TRPM7: variants seen among roughly 807,000 people sequenced by gnomAD.
The protein encoded by TRPM7 is transient receptor potential cation channel subfamily M member 7, also known as LTRPC ion channel family member 7.
Under a neutral mutation model 229.7 loss-of-function variants are expected in TRPM7, and 134 were observed. That is an observed-to-expected ratio of 0.58 (90% CI 0.51 to 0.67). The LOEUF (loss-of-function observed/expected upper bound fraction) is 0.67, where lower values mean the gene tolerates loss of function less well. Among genes scored for constraint, TRPM7 ranks in the 30% least tolerant of loss-of-function variants. TRPM7 has a pLI of 0.00. For synonymous variants in TRPM7, 699 were observed against 715.2 expected, an observed-to-expected ratio of 0.98 and a Z score of 0.36; for missense variants, 1,901 against 2,210.0, an observed-to-expected ratio of 0.86 and a Z score of 2.80.
At chr15:50,634,593 T>A in intron 7 of TRPM7, 37 bp from the exon 8 acceptor site, 1 of 1,329,820 alleles carries the variant, frequency 7.5e-7, no homozygotes, top group Non-Finnish European at 9.7e-7. Context: ...AATTATTTCA[T>A]CCCAAGCAAG....
intron 21 of TRPM7, among the ~76,000 whole-genome samples, chr15:50,601,711 G>T (rs1043170229): frequency 6.6e-6 from 1 of 152,002 alleles, no homozygotes; most frequent in African/African-American, 2.4e-5. Flanking sequence ...GAATGAGTGT[G>T]AGAAGTTTAG....
intron 13 of TRPM7, among the ~76,000 whole-genome samples, chr15:50,618,570 A>AATAG (rs1470709613): frequency 5.2e-5 from 2 of 38,596 alleles, no homozygotes; most frequent in Admixed American, 6.1e-4. Flanking sequence ...ATTCCGTCTC[A>AATAG]ATAAATAAAT....
rs768140592 is a variant in TRPM7, at chr15:50,614,158, G to T, written c.1600C>A (p.Arg534=). ...CCACCAAGACTATTATATATTAATC[G>T]AAAACGTTTCCTAGTATAGGTGCAT... is the stretch of plus-strand genomic sequence containing the variant. ...YRCTYTRKRF[R]LIYNSLGGNN... Residue 534 remains arginine (R), a synonymous_variant, in exon 14 of 39, where the codon CGA becomes AGA. Coordinates refer to ENST00000646667, the MANE Select transcript of TRPM7 (RefSeq NM_017672.6). 1 of 1,610,730 alleles carries T rather than the reference G, an allele frequency of 6.2e-7. No individual in the cohort carries two copies. Among genetic ancestry groups the T allele is most frequent in the East Asian group, 2.2e-5 (1 of 44,814 alleles).
chr15:50,685,360 G>A (rs933073433), intron 1 of TRPM7, among the ~76,000 whole-genome samples: 6 of 152,348 alleles, frequency 3.9e-5, no homozygotes, highest in African/African-American at 1.4e-4. Flanking sequence ...GGGAGCCTGA[G>A]GCAGGAGAAT....
At chr15:50,581,054 ATTTAT>A in intron 29 of TRPM7, 146 bp from the exon 30 acceptor site, 1 of 641,840 alleles carries the variant, frequency 1.6e-6, no homozygotes, top group Non-Finnish European at 2.5e-6. Flanking sequence ...AAAACAATAA[ATTTAT>A]TTATTATAAC....
chr15:50,676,825 GAA>G (rs1197130604), intron 1 of TRPM7, among the ~76,000 whole-genome samples: 2 of 152,096 alleles, frequency 1.3e-5, no homozygotes, highest in Non-Finnish European at 2.9e-5. Flanking sequence ...AAAGTGATGG[GAA>G]AGTTTCCGCA....
intron 31 of TRPM7, among the ~76,000 whole-genome samples, chr15:50,577,034 C>A (rs1198583680): frequency 6.6e-6 from 1 of 151,936 alleles, no homozygotes; most frequent in African/African-American, 2.4e-5. Flanking sequence ...AATGCTTGAG[C>A]CTAGGAGGTT....
chr15:50,596,714 T>G (rs2059641381), intron 22 of TRPM7, among the ~76,000 whole-genome samples: 1 of 152,224 alleles, frequency 6.6e-6, no homozygotes, highest in Non-Finnish European at 1.5e-5. Flanking sequence ...AATTCCTGGA[T>G]CAACCATATG....
rs1343259208 is a variant in TRPM7, at chr15:50,612,504, A to G, written c.2051+45T>C. The G allele has an allele frequency of 3.8e-6, 6 of 1,568,088 alleles. No homozygotes were observed. The African/African-American group carries it at 6.8e-5, about 18-fold the overall frequency. On this transcript the variant is annotated intron_variant, in intron 16 of 38. Transcript: ENST00000646667. The stretch of plus-strand genomic sequence containing the variant: ...TGTAACAGCCACTCAAACAATACCT[A>G]CTTTGAATTTTTAAAATGTTTTCAA...
chr15:50,670,887 A>C (rs1224529216), intron 1 of TRPM7, among the ~76,000 whole-genome samples: 1 of 151,874 alleles, frequency 6.6e-6, no homozygotes, highest in Non-Finnish European at 1.5e-5. Flanking sequence ...AAAACATATT[A>C]AGTAGGCCAG....
In TRPM7 at chr15:50,559,646, C is replaced by T. The variant is rs1050119629; in HGVS notation, c.*2032G>A. On this transcript the variant is annotated 3_prime_UTR_variant, in exon 39 of 39. Coordinates refer to ENST00000646667, the MANE Select transcript of TRPM7 (RefSeq NM_017672.6). ...TTACTTTACCTCTCTAGCACCTTGA[C>T]TTTCAAATCTGCAAAACAGGATAAT... 1.3e-5 allele frequency: 2 copies of T among 152,314 alleles called. No homozygotes were observed. The highest frequency in any genetic ancestry group is 3.4e-3 in the Middle Eastern group (1 of 296). 9.4% of individuals were successfully genotyped at this position (152,314 alleles called of 1,614,324 possible).
Position 50,592,501 on chromosome 15 carries a change from G to GT in TRPM7, c.3733dup (p.Thr1245AsnfsTer14). ...TTTCTGGGCAGTGAGTGTTTTTAAT[G>GT]TATCTACCGTCAGGGCTGAAAGATC... is the stretch of plus-strand genomic sequence containing the variant. On this transcript the variant is annotated frameshift_variant, in exon 26 of 39. Transcript: ENST00000646667. LOFTEE classifies it high-confidence loss of function. 1 of 1,614,042 alleles carries GT rather than the reference G, an allele frequency of 6.2e-7. No homozygotes were observed. Among genetic ancestry groups the GT allele is most frequent in the Non-Finnish European group, 8.5e-7 (1 of 1,180,020 alleles).
At chr15:50,576,390 A>G (rs183524710) in intron 31 of TRPM7, among the ~76,000 whole-genome samples, 1 of 152,246 alleles carries the variant, frequency 6.6e-6, no homozygotes, top group Non-Finnish European at 1.5e-5. Flanking sequence ...GAAGACAAAG[A>G]CAAGTCAAAT....
rs144631622 is a variant in TRPM7, at chr15:50,606,069, T to A, written c.2710-925A>T. ...AGACATGAAATAATTCAGAGGTACT[T>A]ATGCAAGTATGTTATAAAACAATAT... On this transcript the variant is annotated intron_variant, in intron 20 of 38. Coordinates refer to ENST00000646667, the MANE Select transcript of TRPM7 (RefSeq NM_017672.6). 1.2e-4 allele frequency among the ~76,000 whole-genome samples: 19 copies of A among 152,328 alleles called. No homozygotes were observed. In the East Asian group the frequency reaches 3.7e-3, roughly 29 times the overall value.
chr15:50,681,111 C>G (rs891155186), intron 1 of TRPM7, among the ~76,000 whole-genome samples: 2 of 152,084 alleles, frequency 1.3e-5, no homozygotes, highest in Non-Finnish European at 2.9e-5. Context: ...ATTAGCCGGG[C>G]ATGGTAGCAC....
intron 29 of TRPM7, among the ~76,000 whole-genome samples, chr15:50,581,621 G>A (rs1034838756): frequency 5.9e-5 from 9 of 151,886 alleles, no homozygotes; most frequent in African/African-American, 2.2e-4. Context: ...ATATTTCACT[G>A]CAGCCTTTGT....
rs1010882165 is a variant in TRPM7, at chr15:50,625,032, G to A, written c.1306-732C>T. On this transcript the variant is annotated intron_variant, in intron 11 of 38. Transcript: ENST00000646667. ...TCTGTATCATTCAGCATTTGTAGCT[G>A]TCCTTTATATATTAAAGCCTATTTT... Among the ~76,000 whole-genome samples, 11 of 150,660 alleles carry A rather than the reference G, an allele frequency of 7.3e-5. No homozygotes were observed. In the South Asian group the frequency reaches 2.3e-3, roughly 31 times the overall value.
chr15:50,614,841 A>C (rs2060174862), intron 13 of TRPM7, among the ~76,000 whole-genome samples: 1 of 152,046 alleles, frequency 6.6e-6, no homozygotes, highest in Admixed American at 6.6e-5. Context: ...GGAAGATAAC[A>C]ATTTCATCTC....
chr15:50,679,328 C>G (rs1359559944), intron 1 of TRPM7, among the ~76,000 whole-genome samples: 1 of 141,936 alleles, frequency 7.0e-6, no homozygotes, highest in Non-Finnish European at 1.5e-5. Flanking sequence ...GAGCAAAACA[C>G]TATCCAAAAA....
Sources: allele counts gnomAD v4.1 joint callset (sites outside exome capture counted in the v4.1 genomes callset), GRCh38; gene constraint gnomAD v4.1.1; transcripts MANE v1.5; gene names NCBI Gene and HGNC (gene_info 2026-07-23, HGNC 2026-07-21).